Variants in ANKS1B observed in about 807,000 individuals in gnomAD.
ANKS1B encodes the protein ankyrin repeat and sterile alpha motif domain-containing protein 1B.
In ANKS1B, 36 loss-of-function variants were observed where a neutral mutation model predicts 148.3. That is an observed-to-expected ratio of 0.24 (90% CI 0.19 to 0.32). The LOEUF (loss-of-function observed/expected upper bound fraction) is 0.32, where lower values mean the gene tolerates loss of function less well. Ranked by LOEUF, ANKS1B falls within the 10% of genes least tolerant of loss-of-function variation. The pLI is 1.00. For missense variants in ANKS1B, 1,157 were observed against 1,542.6 expected (o/e 0.75, Z 4.19); for synonymous variants, 542 against 560.8 (o/e 0.97, Z 0.47).
intron 9 of ANKS1B, among the ~76,000 whole-genome samples, chr12:99,556,297 T>C (rs186630969): frequency 3.9e-5 from 6 of 152,266 alleles, no homozygotes; most frequent in Admixed American, 1.3e-4. Context: ...TCTTTTCTGG[T>C]TGTGTTTATT....
At chr12:98,973,447 T>C (rs1352757329) in intron 17 of ANKS1B, among the ~76,000 whole-genome samples, 1 of 152,202 alleles carries the variant, frequency 6.6e-6, no homozygotes, top group South Asian at 2.1e-4. Flanking sequence ...TTTTGCTTTC[T>C]GAAGTTTCAG....
At chr12:99,108,732 C>G (rs771731701) in intron 15 of ANKS1B, among the ~76,000 whole-genome samples, 13 of 151,850 alleles carry the variant, frequency 8.6e-5, no homozygotes, top group Non-Finnish European at 1.0e-4. Flanking sequence ...GAGTTTAGAA[C>G]AGAGAAGAGG....
At chr12:99,237,689 T>C (rs1492248) in intron 14 of ANKS1B, among the ~76,000 whole-genome samples, 71,687 of 152,018 alleles carry the variant, frequency 0.47, 19,118 homozygotes, top group African/African-American at 0.75. Flanking sequence ...ATAAGAAATA[T>C]TAGTGTATTA....
intron 12 of ANKS1B, among the ~76,000 whole-genome samples, chr12:99,356,088 G>A (rs1268615998): frequency 6.6e-6 from 1 of 151,968 alleles, no homozygotes; most frequent in Non-Finnish European, 1.5e-5. Flanking sequence ...AGGAGTAAAG[G>A]GTACTCTTAA....
At chr12:99,087,890 C>G (rs914553541) in intron 15 of ANKS1B, among the ~76,000 whole-genome samples, 1 of 151,894 alleles carries the variant, frequency 6.6e-6, no homozygotes, top group East Asian at 2.0e-4. Context: ...TCCTAAAGAT[C>G]ACTGTTCTTC....
intron 17 of ANKS1B, among the ~76,000 whole-genome samples, chr12:98,891,437 T>A (rs1409829282): frequency 2.0e-5 from 3 of 152,088 alleles, no homozygotes; most frequent in Admixed American, 2.0e-4. Flanking sequence ...CATGATTCCA[T>A]GAAGATAGAG....
intron 8 of ANKS1B, among the ~76,000 whole-genome samples, chr12:99,761,825 C>T (rs1352980227): frequency 6.6e-6 from 1 of 152,050 alleles, no homozygotes; most frequent in Non-Finnish European, 1.5e-5. Context: ...GCTGTTGAAA[C>T]TTATAAATGA....
chr12:99,586,318 G>T (rs372213204), intron 9 of ANKS1B, among the ~76,000 whole-genome samples: 5 of 152,194 alleles, frequency 3.3e-5, no homozygotes, highest in African/African-American at 1.2e-4. Flanking sequence ...TGCATAGCAA[G>T]AGTGACCTTT....
At chr12:99,840,602 G>T (rs964665602) in intron 1 of ANKS1B, among the ~76,000 whole-genome samples, 1 of 152,102 alleles carries the variant, frequency 6.6e-6, no homozygotes, top group Non-Finnish European at 1.5e-5. Context: ...GCATTTAAAG[G>T]TAAAGGAAAC....
intron 14 of ANKS1B, among the ~76,000 whole-genome samples, chr12:99,160,086 G>T (rs1245752611): frequency 6.6e-6 from 1 of 151,990 alleles, no homozygotes; most frequent in Non-Finnish European, 1.5e-5. Flanking sequence ...ATTTTTATTT[G>T]TTCAATTGTT....
chr12:99,115,746 C>G (rs2061228888), intron 15 of ANKS1B, among the ~76,000 whole-genome samples: 1 of 151,982 alleles, frequency 6.6e-6, no homozygotes, highest in Admixed American at 6.6e-5. Context: ...GCCTGACTAA[C>G]ATGGTGAAAC....
intron 25 of ANKS1B, among the ~76,000 whole-genome samples, chr12:98,754,283 G>A (rs754543518): frequency 1.3e-5 from 2 of 152,220 alleles, no homozygotes; most frequent in Admixed American, 6.5e-5. Context: ...GATAGTGGAG[G>A]AGGTCTGGGA....
intron 12 of ANKS1B, among the ~76,000 whole-genome samples, chr12:99,272,508 G>T (rs771278618): frequency 6.6e-6 from 1 of 152,130 alleles, no homozygotes; most frequent in African/African-American, 2.4e-5. Context: ...CCAGGAGAAG[G>T]ATAATTGGGA....
At chr12:99,569,791 A>G (rs947858883) in intron 9 of ANKS1B, among the ~76,000 whole-genome samples, 7 of 152,204 alleles carry the variant, frequency 4.6e-5, no homozygotes, top group African/African-American at 1.7e-4. Context: ...GAATTGGCAG[A>G]GGCCTCTGTT....
chr12:99,528,443 A>C (rs1434311370), intron 9 of ANKS1B, among the ~76,000 whole-genome samples: 43 of 131,132 alleles, frequency 3.3e-4, no homozygotes, highest in Non-Finnish European at 5.4e-4. Context: ...AAAAAAAAAA[A>C]CAAAAAAAAA....
At chr12:99,694,004 C>A (rs1277353185) in intron 8 of ANKS1B, among the ~76,000 whole-genome samples, 1 of 150,700 alleles carries the variant, frequency 6.6e-6, no homozygotes, top group African/African-American at 2.4e-5. Context: ...TGGTCTCGAA[C>A]TTCTGACCTC....
At chr12:98,849,622 A>G (rs1020534905) in intron 17 of ANKS1B, among the ~76,000 whole-genome samples, 1 of 152,220 alleles carries the variant, frequency 6.6e-6, no homozygotes, top group African/African-American at 2.4e-5. Context: ...CAGAGAAAAA[A>G]GTTTTGCATC....
chr12:99,240,577 C>T (rs1268297039), intron 14 of ANKS1B, among the ~76,000 whole-genome samples: 1 of 152,124 alleles, frequency 6.6e-6, no homozygotes, highest in East Asian at 1.9e-4. Flanking sequence ...TAGACATCTA[C>T]AGAACTGCAT....
chr12:99,546,863 G>A (rs992133539), intron 9 of ANKS1B, among the ~76,000 whole-genome samples: 4 of 152,226 alleles, frequency 2.6e-5, no homozygotes, highest in African/African-American at 9.6e-5. Flanking sequence ...ATTAGTTCCA[G>A]GGTACATGCA....
Sources: gnomAD v4.1 joint callset for allele counts (sites outside exome capture counted in the v4.1 genomes callset) on GRCh38, gnomAD v4.1.1 for gene constraint, MANE v1.5 for transcripts, NCBI Gene and HGNC (gene_info 2026-07-23, HGNC 2026-07-21) for gene names.